Variants in NAV3 observed in about 807,000 individuals in gnomAD.
NAV3 encodes the protein neuron navigator 3, also known as pore membrane and/or filament interacting like protein 1.
In NAV3, 87 loss-of-function variants were observed where a neutral mutation model predicts 244.7. The observed-to-expected ratio is 0.36, with a 90% CI of 0.30 to 0.42. The LOEUF (loss-of-function observed/expected upper bound fraction) is 0.42, where lower values mean the gene tolerates loss of function less well. NAV3 is among the 20% of genes least tolerant of loss of function. NAV3 has a pLI of 1.00. For synonymous variants in NAV3, 1,126 were observed against 1,042.2 expected (o/e 1.08, Z -1.55); for missense variants, 2,663 against 2,893.3 (o/e 0.92, Z 1.83).
intron 2 of NAV3, among the ~76,000 whole-genome samples, chr12:77,789,514 A>C (rs1871075719): frequency 6.6e-6 from 1 of 152,078 alleles, no homozygotes; most frequent in South Asian, 2.1e-4. Flanking sequence ...GAGCTAAAAA[A>C]AAAAAAAAAG....
At position 77,708,478 on chromosome 12, in the gene NAV3, A is replaced by T. The variant is rs559931830; in HGVS notation, c.72+136212A>T. Among the ~76,000 whole-genome samples the T allele has an allele frequency of 1.7e-4, 26 of 152,276 alleles. No homozygotes were observed. In the South Asian group the frequency reaches 4.6e-3, roughly 27 times the overall value. ...TACTGTAGCCTTGTAGTATAGTTTG[A>T]AGTCAGGTAGCGTGATGCCTCCAGC... On this transcript the variant is annotated intron_variant, in intron 2 of 8. Coordinates refer to the NAV3 transcript ENST00000550042.
intron 5 of NAV3, among the ~76,000 whole-genome samples, chr12:77,975,746 A>T (rs998070): frequency 0.37 from 56,887 of 152,096 alleles, 11,423 homozygotes; most frequent in South Asian, 0.44. Context: ...ACATAAGAAT[A>T]AGTATGGCCC....
chr12:77,618,297 T>C (rs934711294), intron 2 of NAV3, among the ~76,000 whole-genome samples: 1 of 152,164 alleles, frequency 6.6e-6, no homozygotes, highest in Non-Finnish European at 1.5e-5. Context: ...CTTTAAGCCA[T>C]TAAGTTTTGG....
intron 8 of NAV3, among the ~76,000 whole-genome samples, chr12:78,010,223 TGTTTATA>T (rs1229738907): frequency 6.6e-6 from 1 of 152,198 alleles, no homozygotes; most frequent in Non-Finnish European, 1.5e-5. Flanking sequence ...AGTAAAAGCT[TGTTTATA>T]GAGTCATGAC....
At chr12:77,971,367 A>G (rs1447524790) in intron 5 of NAV3, among the ~76,000 whole-genome samples, 1 of 152,154 alleles carries the variant, frequency 6.6e-6, no homozygotes, top group South Asian at 2.1e-4. Context: ...AGTATTCAGG[A>G]CCCGAATATA....
intron 30 of NAV3, among the ~76,000 whole-genome samples, chr12:78,183,296 G>A (rs144061828): frequency 1.3e-5 from 2 of 152,088 alleles, no homozygotes; most frequent in African/African-American, 4.8e-5. Flanking sequence ...GAGTCATGAT[G>A]TGAGCCACCC....
intron 18 of NAV3, among the ~76,000 whole-genome samples, chr12:78,136,168 A>G (rs1956365560): frequency 6.6e-6 from 1 of 152,196 alleles, no homozygotes; most frequent in Admixed American, 6.5e-5. Flanking sequence ...GTGATGTCAG[A>G]ACAACTCTAA....
chr12:77,810,486 TA>T (rs1366855509), intron 2 of NAV3, among the ~76,000 whole-genome samples: 1 of 152,184 alleles, frequency 6.6e-6, no homozygotes, highest in African/African-American at 2.4e-5. Context: ...TATATGTTTT[TA>T]TATCAATAAT....
At chr12:77,833,285 T>C (rs1874033789) in intron 1 of NAV3, among the ~76,000 whole-genome samples, 1 of 152,032 alleles carries the variant, frequency 6.6e-6, no homozygotes, top group Admixed American at 6.6e-5. Context: ...GCTTTATGCA[T>C]GATAAGAATT....
At chr12:78,159,884 A>G (rs578211993) in intron 23 of NAV3, among the ~76,000 whole-genome samples, 52 of 152,258 alleles carry the variant, frequency 3.4e-4, no homozygotes, top group African/African-American at 1.2e-3. Flanking sequence ...ATAAGAGAAT[A>G]TTCTGGGGGC....
intron 31 of NAV3, 99 bp from the exon 32 acceptor site, chr12:78,188,149 G>C (rs1463844337): frequency 2.6e-5 from 22 of 853,470 alleles, no homozygotes; most frequent in Non-Finnish European, 4.0e-5. Flanking sequence ...AAATAGTTTA[G>C]TCTTAACAAC....
chr12:77,748,183 C>T (rs1369098005), intron 2 of NAV3, among the ~76,000 whole-genome samples: 4 of 152,066 alleles, frequency 2.6e-5, no homozygotes, highest in Non-Finnish European at 4.4e-5. Flanking sequence ...GTGCTATCTC[C>T]TGCTACTGGT....
intron 22 of NAV3, among the ~76,000 whole-genome samples, chr12:78,157,747 C>T (rs1030753035): frequency 1.3e-5 from 2 of 150,506 alleles, no homozygotes; most frequent in Non-Finnish European, 2.9e-5. Context: ...GTGTATAAAT[C>T]TCAAGGGTAA....
upstream of NAV3, among the ~76,000 whole-genome samples, chr12:77,825,974 C>G (rs1245317222): frequency 5.3e-5 from 8 of 152,032 alleles, no homozygotes; most frequent in Non-Finnish European, 8.8e-5. Flanking sequence ...ATTAAAACTG[C>G]AATGATACAC....
Position 77,812,452 on chromosome 12 carries a change from C to T in NAV3, c.73-127867C>T, listed in dbSNP as rs80249911. On this transcript the variant is annotated intron_variant, in intron 2 of 8. Transcript: ENST00000550042. ...TTTTGAGACAGTCTCACTCTGTTGCCCAGGCTGGAGTGCAGTGTGGCACTA... is the reference window on the plus strand; with the variant it reads ...TTTTGAGACAGTCTCACTCTGTTGCTCAGGCTGGAGTGCAGTGTGGCACTA... Among the ~76,000 whole-genome samples the T allele has an allele frequency of 1.0e-2, 1,515 of 151,792 alleles. 9 individuals carry two copies. Among genetic ancestry groups the T allele is most frequent in the Non-Finnish European group, 0.016 (1,089 of 67,964 alleles).
intron 1 of NAV3, among the ~76,000 whole-genome samples, chr12:77,857,537 C>T (rs1379958756): frequency 6.6e-6 from 1 of 151,426 alleles, no homozygotes; most frequent in Non-Finnish European, 1.5e-5. Context: ...TATTCAGCAA[C>T]ATTTATATTG....
chr12:78,026,828 T>G (rs1433511002), intron 9 of NAV3, among the ~76,000 whole-genome samples: 2 of 152,136 alleles, frequency 1.3e-5, no homozygotes, highest in African/African-American at 4.8e-5. Flanking sequence ...ATTAATATAA[T>G]GGATGTAGCA....
At chr12:77,768,385 G>T (rs1206326763) in intron 2 of NAV3, among the ~76,000 whole-genome samples, 1 of 152,166 alleles carries the variant, frequency 6.6e-6, no homozygotes, top group Non-Finnish European at 1.5e-5. Flanking sequence ...CATCCAGGGT[G>T]CCCAGGCTGT....
chr12:78,178,443 G>A (rs373182038), intron 28 of NAV3, among the ~76,000 whole-genome samples: 6 of 151,980 alleles, frequency 3.9e-5, no homozygotes, highest in East Asian at 3.9e-4. Flanking sequence ...TTACAGGTGC[G>A]AGCCACCCCA....
Sources: allele counts gnomAD v4.1 joint callset (sites outside exome capture counted in the v4.1 genomes callset), GRCh38; gene constraint gnomAD v4.1.1; transcripts MANE v1.5; gene names NCBI Gene and HGNC (gene_info 2026-07-23, HGNC 2026-07-21).